The following MTFR2 variants were observed in gnomAD, a reference collection of about 807,000 sequenced individuals.
MTFR2 encodes the protein DUF729 domain-containing protein 1.
A neutral mutation model predicts 41.2 loss-of-function variants in MTFR2; 44 were observed. That is an observed-to-expected ratio of 1.07 (90% CI 0.84 to 1.37). MTFR2 has a LOEUF of 1.37. MTFR2 is among the 40% of genes most tolerant of loss of function. The pLI, the probability that MTFR2 is intolerant of heterozygous loss-of-function variation, is 0.00. For synonymous variants in MTFR2, 141 were observed against 154.6 expected, an observed-to-expected ratio of 0.91 and a Z score of 0.65; for missense variants, 452 against 459.5, an observed-to-expected ratio of 0.98 and a Z score of 0.15.
chr6:136,238,454 A>T (rs1196113569), intron 6 of MTFR2, among the ~76,000 whole-genome samples: 2 of 152,114 alleles, frequency 1.3e-5, no homozygotes, highest in African/African-American at 4.8e-5. Context: ...TTTTTTAATA[A>T]GATAAAATAA....
Position 136,249,302 on chromosome 6 carries a change from G to A in MTFR2, c.-54-149C>T, listed in dbSNP as rs112216171. The A allele has an allele frequency of 2.8e-3, 1,410 of 507,536 alleles. 19 individuals carry two copies. The highest frequency in any genetic ancestry group is 0.026 in the African/African-American group (1,264 of 49,476). The allele number at this position is 507,536 out of a possible 1,614,324, so 31.4% of individuals were successfully genotyped here. ...TAAGTCAGAGAAAAAGAAAGGAAGG[G>A]GAAGTCTGGGGGAAAGAGAGGGTTG... On this transcript the variant is annotated intron_variant, in intron 1 of 7. Transcript: ENST00000420702.
chr6:136,243,924 G>A, intron 3 of MTFR2, among the ~76,000 whole-genome samples: 1 of 151,720 alleles, frequency 6.6e-6, no homozygotes, highest in Non-Finnish European at 1.5e-5. Flanking sequence ...GTGTGCTTGT[G>A]TCTTAGTTTT....
rs60002962 is a variant in MTFR2, at chr6:136,238,678, C to CCACACA, written c.869+782_869+787dup. ...GAATAGAGCTCATTATGTTTTTTCA[C>CCACACA]CACACACACACACACACACACACAC... On this transcript the variant is annotated intron_variant, in intron 6 of 7. Coordinates refer to ENST00000420702, the MANE Select transcript of MTFR2 (RefSeq NM_001099286.3). Among the ~76,000 whole-genome samples the CCACACA allele has an allele frequency of 1.3e-3, 184 of 146,446 alleles. 1 individual carries two copies. The highest frequency in any genetic ancestry group is 3.9e-3 in the African/African-American group (157 of 39,800).
At chr6:136,235,972 G>A (rs1779895642) in intron 6 of MTFR2, among the ~76,000 whole-genome samples, 1 of 152,136 alleles carries the variant, frequency 6.6e-6, no homozygotes, top group Admixed American at 6.5e-5. Context: ...GGGACCATAG[G>A]CTGTATCAAA....
rs1219517564 is a variant in MTFR2, at chr6:136,241,731, G to A, written c.282-55C>T. 1.0e-4 allele frequency: 135 copies of A among 1,345,512 alleles called. 1 individual carries two copies. The South Asian group carries it at 1.0e-3, about 10-fold the overall frequency. 83.3% of individuals were successfully genotyped at this position (1,345,512 alleles called of 1,614,324 possible). ...GGAAGATATATTTCCAATCAAAAGA[G>A]GTATAAACTCTTACACTCCTACGTG... On this transcript the variant is annotated intron_variant, in intron 4 of 7. Coordinates refer to ENST00000420702, the MANE Select transcript of MTFR2 (RefSeq NM_001099286.3).
chr6:136,240,823 G>A (rs778581446), intron 5 of MTFR2, among the ~76,000 whole-genome samples: 54 of 152,106 alleles, frequency 3.6e-4, no homozygotes, highest in Non-Finnish European at 6.9e-4. Flanking sequence ...CGGGCGCGGT[G>A]GCTCACGCCT....
At chr6:136,241,378 T>C in intron 5 of MTFR2, 66 bp downstream of exon 5, 1 of 1,277,504 alleles carries the variant, frequency 7.8e-7, no homozygotes, top group Non-Finnish European at 1.1e-6. Context: ...TATCATGCTG[T>C]ACAGGTTGGT....
chr6:136,241,935 G>A (rs767950392), intron 4 of MTFR2, among the ~76,000 whole-genome samples: 3 of 151,442 alleles, frequency 2.0e-5, no homozygotes, highest in Non-Finnish European at 2.9e-5. Context: ...TTAAAAATTC[G>A]CCGGTGTGAT....
chr6:136,247,471 G>A (rs1780239786), intron 2 of MTFR2: 1 of 455,320 alleles, frequency 2.2e-6, no homozygotes, highest in South Asian at 1.6e-5. Flanking sequence ...CTTCTCAAAG[G>A]CGGTGCTCAA....
intron 6 of MTFR2, among the ~76,000 whole-genome samples, chr6:136,236,569 A>C (rs1349467526): frequency 6.6e-6 from 1 of 152,192 alleles, no homozygotes; most frequent in Non-Finnish European, 1.5e-5. Flanking sequence ...TAAGCCCGAC[A>C]ACACAAGTAC....
chr6:136,234,504 C>T (rs758466864), intron 6 of MTFR2, among the ~76,000 whole-genome samples: 4 of 151,822 alleles, frequency 2.6e-5, no homozygotes, highest in Admixed American at 6.6e-5. Context: ...GTGTGAGAAA[C>T]GGAAAAAAGA....
intron 7 of MTFR2, chr6:136,233,077 T>C (rs1562205988): frequency 9.7e-6 from 3 of 308,582 alleles, no homozygotes; most frequent in South Asian, 4.8e-5. Context: ...AGATAAGTCA[T>C]TATAAACATA....
chr6:136,239,667 G>C lies in MTFR2; in HGVS notation c.668C>G (p.Pro223Arg), dbSNP rs753194572. 6.2e-7 allele frequency: 1 copy of C among 1,614,014 alleles called. No individual in the cohort carries two copies. Residue 223 changes from proline (P) to arginine (R), a missense_variant, in exon 6 of 8, where the codon CCA becomes CGA. Transcript: ENST00000420702. ...TGGTTGTACGGGAGGAAAACACGGTGGCTGGAGAGATGAAAACTGAGGAGG... is the reference window on the plus strand; with the variant it reads ...TGGTTGTACGGGAGGAAAACACGGTCGCTGGAGAGATGAAAACTGAGGAGG... ...PLPPQFSSLQ[P>R]PCFPPVQPGS... is the part of the protein sequence containing the mutation.
chr6:136,234,684 A>G (rs1044466425), intron 6 of MTFR2, among the ~76,000 whole-genome samples: 1 of 152,192 alleles, frequency 6.6e-6, no homozygotes, highest in African/African-American at 2.4e-5. Context: ...GAATGGCCTG[A>G]TCTGACTTCT....
chr6:136,243,095 GA>G (rs1377757011), intron 3 of MTFR2, 122 bp from the exon 4 acceptor site: 1 of 572,732 alleles, frequency 1.7e-6, no homozygotes, highest in Non-Finnish European at 2.8e-6. Context: ...ATATTCAATA[GA>G]AAAACATGTA....
chr6:136,243,712 C>G (rs117421456), intron 3 of MTFR2, among the ~76,000 whole-genome samples: 2,104 of 129,386 alleles, frequency 0.016, 23 homozygotes, highest in Non-Finnish European at 0.023. Flanking sequence ...AAGACCTTAT[C>G]TTAAAAAAAA....
At chr6:136,234,875 A>C (rs781515770) in intron 6 of MTFR2, among the ~76,000 whole-genome samples, 9 of 152,178 alleles carry the variant, frequency 5.9e-5, no homozygotes, top group Non-Finnish European at 8.8e-5. Context: ...ATGGAAAATA[A>C]AGATGAAGGA....
chr6:136,243,412 AAAAAG>A (rs1020218668), intron 3 of MTFR2, among the ~76,000 whole-genome samples: 2 of 152,184 alleles, frequency 1.3e-5, no homozygotes, highest in South Asian at 2.1e-4. Context: ...CCTTCTACTT[AAAAAG>A]AAAAGTTGGC....
At chr6:136,242,051 G>T (rs1401571349) in intron 4 of MTFR2, among the ~76,000 whole-genome samples, 1 of 122,854 alleles carries the variant, frequency 8.1e-6, no homozygotes, top group East Asian at 2.6e-4. Context: ...TTGCACTCCA[G>T]CCTGGTCGAC....
Sources: gnomAD v4.1 joint callset for allele counts (sites outside exome capture counted in the v4.1 genomes callset) on GRCh38, gnomAD v4.1.1 for gene constraint, MANE v1.5 for transcripts, NCBI Gene and HGNC (gene_info 2026-07-23, HGNC 2026-07-21) for gene names.